The following MICU1 variants were observed in gnomAD, a reference collection of about 807,000 sequenced individuals.
MICU1 encodes the protein mitochondrial calcium uptake 1, also known as calcium uptake protein 1, mitochondrial.
Under a neutral mutation model 56.8 loss-of-function variants are expected in MICU1, and 45 were observed. The ratio of observed to expected loss-of-function variants is 0.79; its 90% confidence interval spans 0.62 to 1.02. The LOEUF (loss-of-function observed/expected upper bound fraction) is 1.02, where lower values mean the gene tolerates loss of function less well. MICU1 is among the 50% of genes least tolerant of loss of function. The probability of loss-of-function intolerance (pLI) is 0.00; values close to 1 mark genes in which losing one functional copy is unlikely to be tolerated. For synonymous variants in MICU1, 186 were observed against 195.1 expected, an observed-to-expected ratio of 0.95 and a Z score of 0.39; for missense variants, 504 against 587.1, an observed-to-expected ratio of 0.86 and a Z score of 1.46.
chr10:72,551,388 T>C (rs1260409034), intron 3 of MICU1, 47 bp from the exon 4 acceptor site: 2 of 1,338,728 alleles, frequency 1.5e-6, no homozygotes, highest in South Asian at 1.5e-5. Context: ...GCAATGCTCA[T>C]ATGCTCATAT....
At chr10:72,516,623 G>A (rs574189802) in intron 5 of MICU1, among the ~76,000 whole-genome samples, 16 of 152,260 alleles carry the variant, frequency 1.1e-4, no homozygotes, top group African/African-American at 3.1e-4. Flanking sequence ...ACAGTGTAAG[G>A]AAGGGGTCCA....
At chr10:72,537,315 T>A (rs1001121655) in intron 4 of MICU1, among the ~76,000 whole-genome samples, 6 of 152,164 alleles carry the variant, frequency 3.9e-5, no homozygotes, top group Non-Finnish European at 8.8e-5. Flanking sequence ...CAAGCTATTG[T>A]CCCTAACTAC....
At chr10:72,458,066 C>T (rs556107272) in intron 8 of MICU1, among the ~76,000 whole-genome samples, 1 of 151,788 alleles carries the variant, frequency 6.6e-6, no homozygotes, top group South Asian at 2.1e-4. Flanking sequence ...ACTCAGGAGG[C>T]TGAGGCAGGA....
intron 6 of MICU1, among the ~76,000 whole-genome samples, chr10:72,490,261 T>C (rs1397459655): frequency 1.3e-5 from 2 of 152,218 alleles, no homozygotes; most frequent in East Asian, 3.8e-4. Flanking sequence ...ATATATTTAT[T>C]ACTTGCTGAA....
chr10:72,376,012 T>A lies in MICU1; in HGVS notation c.1181-140A>T, dbSNP rs985583360. The A allele has an allele frequency of 5.0e-6, 4 of 799,680 alleles. No individual in the cohort carries two copies. In the African/African-American group the frequency reaches 5.2e-5, roughly 10 times the overall value. The allele number at this position is 799,680 out of a possible 1,614,324, so 49.5% of individuals were successfully genotyped here. A position where few individuals can be genotyped will look rare whatever the true frequency, so the allele number is the denominator to read the frequency against. On this transcript the variant is annotated intron_variant, in intron 10 of 11. Transcript: ENST00000361114. ...CATTTAAGAAAATGATAAGTTAGGCTGGCCACAGTGGCTCATGCCTGTAAT... is the reference window on the plus strand; with the variant it reads ...CATTTAAGAAAATGATAAGTTAGGCAGGCCACAGTGGCTCATGCCTGTAAT...
chr10:72,441,248 A>T (rs540810145), intron 8 of MICU1, among the ~76,000 whole-genome samples: 10 of 152,282 alleles, frequency 6.6e-5, no homozygotes, highest in African/African-American at 2.4e-4. Flanking sequence ...TGTCCTTTGC[A>T]GGGACATGGA....
At chr10:72,615,722 T>TCATC (rs1841960874) in intron 1 of MICU1, among the ~76,000 whole-genome samples, 1 of 152,028 alleles carries the variant, frequency 6.6e-6, no homozygotes, top group South Asian at 2.1e-4. Flanking sequence ...GCGCGGTGGC[T>TCATC]CATCACGCCT....
intron 6 of MICU1, among the ~76,000 whole-genome samples, chr10:72,488,602 AC>A (rs1435437473): frequency 2.0e-5 from 3 of 152,244 alleles, no homozygotes; most frequent in Non-Finnish European, 4.4e-5. Context: ...ACTAGCAATA[AC>A]AGGTTCAGTT....
chr10:72,400,058 C>T (rs1863401563), intron 10 of MICU1, among the ~76,000 whole-genome samples: 1 of 152,156 alleles, frequency 6.6e-6, no homozygotes, highest in Admixed American at 6.5e-5. Context: ...TATGTATTTA[C>T]CAAAAATAAA....
intron 10 of MICU1, among the ~76,000 whole-genome samples, chr10:72,376,653 A>G (rs1862532912): frequency 6.6e-6 from 1 of 152,156 alleles, no homozygotes; most frequent in South Asian, 2.1e-4. Context: ...AAAAATAAAA[A>G]GTGCCTGATA....
chr10:72,405,281 G>A (rs186048474), intron 10 of MICU1, among the ~76,000 whole-genome samples: 10 of 151,902 alleles, frequency 6.6e-5, no homozygotes, highest in African/African-American at 2.2e-4. Flanking sequence ...GTGCAATGGC[G>A]CAATCTCGGC....
chr10:72,374,639 A>G (rs1210274125), intron 11 of MICU1, among the ~76,000 whole-genome samples: 2 of 152,100 alleles, frequency 1.3e-5, no homozygotes, highest in African/African-American at 2.4e-5. Flanking sequence ...GGGAAGCTCC[A>G]TAGGCTGGAG....
intron 6 of MICU1, among the ~76,000 whole-genome samples, chr10:72,505,822 C>T (rs990640765): frequency 3.9e-5 from 6 of 151,970 alleles, no homozygotes; most frequent in East Asian, 1.9e-4. Context: ...GAGGGTAGAG[C>T]GGGAGGGGGA....
intron 10 of MICU1, among the ~76,000 whole-genome samples, chr10:72,378,228 CG>C (rs1462821450): frequency 6.6e-6 from 1 of 152,064 alleles, no homozygotes; most frequent in East Asian, 1.9e-4. Context: ...ACTCCAGCCT[CG>C]GTTACAGAGC....
intron 8 of MICU1, among the ~76,000 whole-genome samples, chr10:72,453,903 T>G (rs1865373861): frequency 6.6e-6 from 1 of 150,976 alleles, no homozygotes; most frequent in Non-Finnish European, 1.5e-5. Context: ...TGGCGTGATC[T>G]CAGCTCACCG....
intron 10 of MICU1, among the ~76,000 whole-genome samples, chr10:72,393,454 C>T (rs1266542288): frequency 1.3e-5 from 2 of 152,074 alleles, no homozygotes; most frequent in African/African-American, 2.4e-5. Context: ...TAGAAACAAC[C>T]GATACAAAGG....
At chr10:72,415,800 T>C (rs1057253541) in intron 9 of MICU1, among the ~76,000 whole-genome samples, 2 of 152,146 alleles carry the variant, frequency 1.3e-5, no homozygotes, top group African/African-American at 4.8e-5. Flanking sequence ...CCATGGAGAA[T>C]AAGGAGTGGC....
intron 6 of MICU1, among the ~76,000 whole-genome samples, chr10:72,491,279 G>C (rs1226127578): frequency 6.6e-6 from 1 of 152,156 alleles, no homozygotes; most frequent in East Asian, 1.9e-4. Flanking sequence ...ATCAAATACA[G>C]TTAAATATTA....
At chr10:72,454,111 C>T (rs943917371) in intron 8 of MICU1, among the ~76,000 whole-genome samples, 3 of 152,054 alleles carry the variant, frequency 2.0e-5, no homozygotes, top group Non-Finnish European at 4.4e-5. Context: ...GGATTACAGG[C>T]GTGAGCTACC....
Sources: gnomAD v4.1 joint callset for allele counts (sites outside exome capture counted in the v4.1 genomes callset) on GRCh38, gnomAD v4.1.1 for gene constraint, MANE v1.5 for transcripts, NCBI Gene and HGNC (gene_info 2026-07-23, HGNC 2026-07-21) for gene names.